The following SCN7A variants were observed in gnomAD, a reference collection of about 807,000 sequenced individuals.
The protein encoded by SCN7A is sodium channel protein type 7 subunit alpha.
Under a neutral mutation model 155.2 loss-of-function variants are expected in SCN7A, and 138 were observed. That is an observed-to-expected ratio of 0.89 (90% confidence interval 0.77 to 1.02). The LOEUF (loss-of-function observed/expected upper bound fraction) is 1.02, where lower values mean the gene tolerates loss of function less well. SCN7A is among the 50% of genes least tolerant of loss of function. The pLI, the probability that SCN7A is intolerant of heterozygous loss-of-function variation, is 0.00. For synonymous variants in SCN7A, 693 were observed against 649.0 expected (o/e 1.07, Z -1.03); for missense variants, 2,058 against 1,986.6 (o/e 1.04, Z -0.68).
At chr2:166,486,304 G>C (rs1393273104) in intron 2 of SCN7A, among the ~76,000 whole-genome samples, 1 of 152,162 alleles carries the variant, frequency 6.6e-6, no homozygotes, top group East Asian at 1.9e-4. Flanking sequence ...TGAATAGACA[G>C]AAGAGTTCTG....
intron 11 of SCN7A, among the ~76,000 whole-genome samples, chr2:166,454,064 G>A (rs1380286190): frequency 1.3e-5 from 2 of 152,056 alleles, no homozygotes; most frequent in Non-Finnish European, 2.9e-5. Context: ...GGTAAAATTG[G>A]GAAATATCCA....
rs368904595 is a variant in SCN7A at position 166,406,180 on chromosome 2, T to C, written c.4449A>G (p.Ser1483=). ...IFYFVSYILI[S]WLIIVNMYIV... ...TGTACATATTTACAATGATCAGCCA[T>C]GATATGAGGATATAACTGACAAAAT... Residue 1483 remains serine, a synonymous_variant, in exon 26 of 26, where the codon TCA becomes TCG. Coordinates refer to ENST00000643258, the MANE Select transcript of SCN7A (RefSeq NM_002976.4). 2.5e-6 allele frequency: 4 copies of C among 1,612,636 alleles called. No homozygotes were observed. The highest frequency in any genetic ancestry group is 2.2e-5 in the East Asian group (1 of 44,814).
At chr2:166,430,900 TCTAGAAA>T (rs1701719720) in intron 16 of SCN7A, among the ~76,000 whole-genome samples, 1 of 152,022 alleles carries the variant, frequency 6.6e-6, no homozygotes, top group Non-Finnish European at 1.5e-5. Context: ...GGCTACATAA[TCTAGAAA>T]GCATCTAACT....
At chr2:166,420,587 C>T (rs1701490578) in intron 20 of SCN7A, among the ~76,000 whole-genome samples, 1 of 151,844 alleles carries the variant, frequency 6.6e-6, no homozygotes, top group African/African-American at 2.4e-5. Context: ...GAACACCGGC[C>T]TTTTATAATA....
rs138661216 is a variant in SCN7A at position 166,465,815 on chromosome 2, C to T, written c.837G>A (p.Leu279=). 1.4e-4 allele frequency: 219 copies of T among 1,613,760 alleles called. 1 individual carries two copies. The African/African-American group carries it at 2.5e-3, about 18-fold the overall frequency. ...AATATGGGTTTCCAGTTCTGTTGTGCAGGGTTTCATTTTCATTCTCTTGGG... is the reference window on the plus strand; with the variant it reads ...AATATGGGTTTCCAGTTCTGTTGTGTAGGGTTTCATTTTCATTCTCTTGGG... The part of the protein sequence containing the change: ...RWPQENENET[L]HNRTGNPYYI... Residue 279 remains leucine (L), a synonymous_variant, in exon 8 of 26, where the codon CTG becomes CTA. Transcript: ENST00000643258.
chr2:166,465,813 T>C lies in SCN7A; in HGVS notation c.839A>G (p.His280Arg), dbSNP rs1189222775. 1 of 1,613,926 alleles carries C rather than the reference T, an allele frequency of 6.2e-7. No homozygotes were observed. Residue 280 changes from histidine to arginine, a missense_variant, in exon 8 of 26, where the codon CAC (histidine) becomes CGC (arginine). His to Arg is a conservative substitution (Grantham distance 29). Transcript: ENST00000643258. ...WPQENENETL[H>R]NRTGNPYYIR... ...ATAATATGGGTTTCCAGTTCTGTTG[T>C]GCAGGGTTTCATTTTCATTCTCTTG...
intron 2 of SCN7A, among the ~76,000 whole-genome samples, chr2:166,479,801 AATAGCAGTGGTT>A (rs1559127872): frequency 6.6e-6 from 1 of 152,116 alleles, no homozygotes; most frequent in Non-Finnish European, 1.5e-5. Flanking sequence ...ATATTTTTGC[AATAGCAGTGGTT>A]TCTTATGCCC....
chr2:166,478,226 G>A (rs1451460278), intron 2 of SCN7A, among the ~76,000 whole-genome samples: 2 of 151,022 alleles, frequency 1.3e-5, no homozygotes, highest in South Asian at 2.1e-4. Flanking sequence ...CACCAACATG[G>A]CACATGTATA....
intron 12 of SCN7A, among the ~76,000 whole-genome samples, chr2:166,446,354 A>T (rs1388701741): frequency 6.6e-6 from 1 of 152,160 alleles, no homozygotes; most frequent in African/African-American, 2.4e-5. Context: ...TGTGCTCATT[A>T]AAAAGTCAGG....
At chr2:166,454,154 G>A (rs2105459062) in intron 11 of SCN7A, among the ~76,000 whole-genome samples, 2 of 152,228 alleles carry the variant, frequency 1.3e-5, no homozygotes, top group African/African-American at 4.8e-5. Context: ...ACAATTGAGT[G>A]CAGCCATAAG....
At chr2:166,441,789 A>G in intron 14 of SCN7A, 37 bp from the exon 15 acceptor site, 1 of 1,509,268 alleles carries the variant, frequency 6.6e-7, no homozygotes, top group Non-Finnish European at 9.0e-7. Context: ...CAAGAAACAA[A>G]TGACAAAAAA....
At chr2:166,419,942 T>A (rs1483258929) in intron 20 of SCN7A, among the ~76,000 whole-genome samples, 6 of 152,140 alleles carry the variant, frequency 3.9e-5, no homozygotes, top group Non-Finnish European at 7.4e-5. Flanking sequence ...ATAAATCAAA[T>A]GTATTTAAGA....
chr2:166,429,698 G>A (rs986886302), intron 16 of SCN7A, among the ~76,000 whole-genome samples: 4 of 151,976 alleles, frequency 2.6e-5, no homozygotes, highest in Non-Finnish European at 4.4e-5. Context: ...AGATAATAGT[G>A]CACCTAGGTT....
chr2:166,427,200 C>T (rs558545109), intron 18 of SCN7A, among the ~76,000 whole-genome samples: 2 of 152,152 alleles, frequency 1.3e-5, no homozygotes, highest in African/African-American at 4.8e-5. Flanking sequence ...ATAAAGTCAG[C>T]TATTACAGAC....
intron 10 of SCN7A, among the ~76,000 whole-genome samples, chr2:166,458,634 T>C (rs1163506601): frequency 2.0e-5 from 3 of 152,222 alleles, no homozygotes; most frequent in African/African-American, 7.2e-5. Context: ...TGGTTTTTTA[T>C]ACTATGTTTT....
At position 166,438,105 on chromosome 2, in the gene SCN7A, T is replaced by C. The variant is rs992900465; in HGVS notation, c.2157+3291A>G. On this transcript the variant is annotated intron_variant, in intron 15 of 25. Coordinates refer to ENST00000643258, the MANE Select transcript of SCN7A (RefSeq NM_002976.4). ...CTGTGTCTCCACCCAAATCTCATCT[T>C]GAATTGTAGTTTCCATAATCCTCAT... Among the ~76,000 whole-genome samples, 8 of 152,286 alleles carry C rather than the reference T, an allele frequency of 5.3e-5. No homozygotes were observed. In the East Asian group the frequency reaches 1.5e-3, roughly 29 times the overall value.
intron 24 of SCN7A, 54 bp from the exon 25 acceptor site, chr2:166,409,989 A>G (rs1440254925): frequency 5.0e-6 from 7 of 1,392,484 alleles, no homozygotes; most frequent in African/African-American, 1.5e-5. Flanking sequence ...ACATATACAT[A>G]TATATGGTCT....
At position 166,413,059 on chromosome 2, in the gene SCN7A, T is replaced by C. The variant is rs1407487708; in HGVS notation, c.3468+9A>G. On this transcript the variant is annotated intron_variant, in intron 22 of 25. Transcript: ENST00000643258. ...CCTAACAATGGCTTTAAAATGATATTATACTTACAGCAACAGAATCAATTG... is the reference window on the plus strand; with the variant it reads ...CCTAACAATGGCTTTAAAATGATATCATACTTACAGCAACAGAATCAATTG... The C allele has an allele frequency of 5.3e-6, 8 of 1,521,468 alleles. No individual in the cohort carries two copies. Among genetic ancestry groups the C allele is most frequent in the Non-Finnish European group, 5.3e-6 (6 of 1,128,366 alleles). 94.2% of individuals were successfully genotyped at this position (1,521,468 alleles called of 1,614,324 possible).
At chr2:166,416,144 C>T (rs764008194) in intron 21 of SCN7A, among the ~76,000 whole-genome samples, 1 of 152,156 alleles carries the variant, frequency 6.6e-6, no homozygotes, top group South Asian at 2.1e-4. Flanking sequence ...GATTGGGAAA[C>T]TCCATCCTGG....
Sources: allele counts gnomAD v4.1 joint callset (sites outside exome capture counted in the v4.1 genomes callset), GRCh38; gene constraint gnomAD v4.1.1; transcripts MANE v1.5; gene names NCBI Gene and HGNC (gene_info 2026-07-23, HGNC 2026-07-21).